The following SYN3 variants were observed in gnomAD, a reference collection of about 807,000 sequenced individuals.
The protein encoded by SYN3 is synapsin-3.
In SYN3, 35 loss-of-function variants were observed where a neutral mutation model predicts 65.8. The observed-to-expected ratio is 0.53, with a 90% confidence interval of 0.41 to 0.70. SYN3 has a LOEUF of 0.70. Among genes scored for constraint, SYN3 ranks in the 30% least tolerant of loss-of-function variants. The pLI is 0.00. For missense variants in SYN3, 680 were observed against 749.0 expected, an observed-to-expected ratio of 0.91 and a Z score of 1.08; for synonymous variants, 270 against 292.9, an observed-to-expected ratio of 0.92 and a Z score of 0.80.
chr22:32,983,564 C>T (rs935286516), intron 2 of SYN3, among the ~76,000 whole-genome samples: 6 of 152,090 alleles, frequency 3.9e-5, no homozygotes, highest in Non-Finnish European at 8.8e-5. Flanking sequence ...GTCAACTAGG[C>T]GGTAGTTTAG....
intron 4 of SYN3, among the ~76,000 whole-genome samples, chr22:32,920,755 C>T (rs1466916724): frequency 4.6e-5 from 7 of 152,110 alleles, no homozygotes; most frequent in Non-Finnish European, 2.9e-5. Context: ...GGAGATGGGT[C>T]CCTGTTGGCA....
intron 6 of SYN3, among the ~76,000 whole-genome samples, chr22:32,602,813 G>A (rs146979581): frequency 6.6e-6 from 1 of 152,178 alleles, no homozygotes; most frequent in African/African-American, 2.4e-5. Flanking sequence ...CACGTGCACT[G>A]GTTTCCTATT....
At chr22:32,567,539 A>C (rs1344201172) in intron 7 of SYN3, among the ~76,000 whole-genome samples, 1 of 152,180 alleles carries the variant, frequency 6.6e-6, no homozygotes, top group East Asian at 1.9e-4. Flanking sequence ...GAAGGGGAAG[A>C]AAAGGGTTAT....
At chr22:32,640,636 G>C (rs1000850527) in intron 6 of SYN3, among the ~76,000 whole-genome samples, 21 of 152,156 alleles carry the variant, frequency 1.4e-4, no homozygotes, top group Non-Finnish European at 2.9e-4. Flanking sequence ...GGTGGCCGAG[G>C]TGGGCGGGTC....
At chr22:32,830,776 T>C (rs1435057001) in intron 6 of SYN3, among the ~76,000 whole-genome samples, 1 of 152,032 alleles carries the variant, frequency 6.6e-6, no homozygotes, top group Non-Finnish European at 1.5e-5. Context: ...CGTGAGTGTA[T>C]CCGCCTCACG....
At chr22:33,008,908 G>C (rs1327082021) in intron 1 of SYN3, among the ~76,000 whole-genome samples, 2 of 98,272 alleles carry the variant, frequency 2.0e-5, no homozygotes, top group Admixed American at 1.3e-4. Context: ...CTGGGTGACA[G>C]AGTAAGACTT....
intron 3 of SYN3, among the ~76,000 whole-genome samples, chr22:32,971,367 A>G (rs2052013885): frequency 6.6e-6 from 1 of 152,216 alleles, no homozygotes; most frequent in Non-Finnish European, 1.5e-5. Context: ...GCTTTTAAAA[A>G]TAATACAAAA....
chr22:32,661,677 G>A (rs951151630), intron 6 of SYN3, among the ~76,000 whole-genome samples: 6 of 152,134 alleles, frequency 3.9e-5, no homozygotes, highest in Non-Finnish European at 8.8e-5. Context: ...ACCTGTCGCG[G>A]TCAAGCAGGG....
intron 7 of SYN3, among the ~76,000 whole-genome samples, chr22:32,546,369 CA>C (rs1162277677): frequency 6.6e-6 from 1 of 151,930 alleles, no homozygotes; most frequent in Admixed American, 6.5e-5. Context: ...AAGAGAGTTC[CA>C]AAAAAAGGCA....
intron 6 of SYN3, among the ~76,000 whole-genome samples, chr22:32,656,486 C>T (rs2060143749): frequency 2.0e-5 from 3 of 152,080 alleles, no homozygotes; most frequent in African/African-American, 7.2e-5. Context: ...CTTTGCATCT[C>T]CTTGGATGGA....
At chr22:32,920,647 A>G (rs139702598) in intron 4 of SYN3, among the ~76,000 whole-genome samples, 1 of 152,260 alleles carries the variant, frequency 6.6e-6, no homozygotes, top group African/African-American at 2.4e-5. Context: ...GACCTGGTCT[A>G]TTTTGTCCAC....
intron 6 of SYN3, among the ~76,000 whole-genome samples, chr22:32,625,473 T>A (rs2059652913): frequency 6.6e-6 from 1 of 152,168 alleles, no homozygotes; most frequent in Non-Finnish European, 1.5e-5. Flanking sequence ...AAGTTTGCCA[T>A]CCCCAGCCCA....
chr22:32,747,830 T>G (rs1450518194), intron 6 of SYN3, among the ~76,000 whole-genome samples: 1 of 152,242 alleles, frequency 6.6e-6, no homozygotes, highest in African/African-American at 2.4e-5. Flanking sequence ...GACTGACCTG[T>G]CCTGGGCCTG....
At chr22:32,821,802 A>G (rs1156752740) in intron 6 of SYN3, among the ~76,000 whole-genome samples, 1 of 152,300 alleles carries the variant, frequency 6.6e-6, no homozygotes, top group South Asian at 2.1e-4. Context: ...TGCAAGACAA[A>G]GAGGGCCTCA....
intron 7 of SYN3, among the ~76,000 whole-genome samples, chr22:32,593,483 T>A (rs1312208117): frequency 6.6e-6 from 1 of 152,026 alleles, no homozygotes; most frequent in Non-Finnish European, 1.5e-5. Context: ...CAAGGGGCAA[T>A]TGACAAGACT....
chr22:33,025,559 G>C (rs1169054892), intron 1 of SYN3, among the ~76,000 whole-genome samples: 1 of 151,712 alleles, frequency 6.6e-6, no homozygotes, highest in Non-Finnish European at 1.5e-5. Context: ...GCTTGAACCT[G>C]GGATGCCGAG....
At chr22:32,533,408 AATG>A (rs1305290682) in intron 10 of SYN3, among the ~76,000 whole-genome samples, 3 of 152,118 alleles carry the variant, frequency 2.0e-5, no homozygotes, top group African/African-American at 7.2e-5. Context: ...TGAATGAACA[AATG>A]ATGGACTGTC....
At position 32,970,913 on chromosome 22, in the gene SYN3, A is replaced by G. The variant is rs181765156; in HGVS notation, c.369+9732T>C. On this transcript the variant is annotated intron_variant, in intron 3 of 13. Coordinates refer to ENST00000358763, the MANE Select transcript of SYN3 (RefSeq NM_003490.4). ...ATAAATGTACTTTGATTAAGAACTA[A>G]GACCTTGGAGTTAGCCAGACCTGGG... 5.3e-5 allele frequency among the ~76,000 whole-genome samples: 8 copies of G among 152,366 alleles called. No individual in the cohort carries two copies. In the East Asian group the frequency reaches 1.5e-3, roughly 29 times the overall value.
chr22:32,666,171 C>G (rs1251495347), intron 6 of SYN3, among the ~76,000 whole-genome samples: 1 of 152,166 alleles, frequency 6.6e-6, no homozygotes, highest in Non-Finnish European at 1.5e-5. Flanking sequence ...CACCTTGGCC[C>G]AAATCACCTG....
Sources: gnomAD v4.1 joint callset for allele counts (sites outside exome capture counted in the v4.1 genomes callset) on GRCh38, gnomAD v4.1.1 for gene constraint, MANE v1.5 for transcripts, NCBI Gene and HGNC (gene_info 2026-07-23, HGNC 2026-07-21) for gene names.